The following WASF1 variants were observed in gnomAD, a reference collection of about 807,000 sequenced individuals.
The protein encoded by WASF1 is actin-binding protein WASF1.
A neutral mutation model predicts 50.5 loss-of-function variants in WASF1; 7 were observed. The ratio of observed to expected loss-of-function variants is 0.14; its 90% CI spans 0.08 to 0.26. The LOEUF is 0.26. Among genes scored for constraint, WASF1 ranks in the 10% least tolerant of loss-of-function variants. The pLI is 1.00. For missense variants in WASF1, 470 were observed against 694.7 expected, an observed-to-expected ratio of 0.68 and a Z score of 3.64; for synonymous variants, 205 against 244.0, an observed-to-expected ratio of 0.84 and a Z score of 1.49.
rs1332565758 is a variant in WASF1 at position 110,099,856 on chromosome 6, A to G, written c.*666T>C. The G allele has an allele frequency of 6.6e-6, 1 of 152,630 alleles. No homozygotes were observed. Among genetic ancestry groups the G allele is most frequent in the Non-Finnish European group, 1.5e-5 (1 of 68,032 alleles). The allele number at this position is 152,630 out of a possible 1,614,324, so 9.5% of individuals were successfully genotyped here. ...GAACCATTTATTAAATCAGACTGTT[A>G]TTCTTAACAGTTATGTAAGTTACAT... On this transcript the variant is annotated 3_prime_UTR_variant, in exon 11 of 11. Coordinates refer to ENST00000392589, the MANE Select transcript of WASF1 (RefSeq NM_003931.3).
chr6:110,151,548 T>C (rs1775825485), intron 3 of WASF1, among the ~76,000 whole-genome samples: 3 of 152,174 alleles, frequency 2.0e-5, no homozygotes, highest in African/African-American at 4.8e-5. Flanking sequence ...GTCTAAACAA[T>C]AGGATCAACA....
chr6:110,133,672 C>T (rs998609986), intron 3 of WASF1, among the ~76,000 whole-genome samples: 2 of 151,988 alleles, frequency 1.3e-5, no homozygotes, highest in Non-Finnish European at 2.9e-5. Context: ...TTTGGCCACT[C>T]GTATATCTTC....
intron 2 of WASF1, among the ~76,000 whole-genome samples, chr6:110,168,452 C>A (rs554058185): frequency 6.6e-6 from 1 of 152,156 alleles, no homozygotes; most frequent in East Asian, 1.9e-4. Flanking sequence ...ATGAGGCATG[C>A]AGTTGTGCAC....
At chr6:110,146,622 T>C (rs558887337) in intron 3 of WASF1, among the ~76,000 whole-genome samples, 1 of 152,184 alleles carries the variant, frequency 6.6e-6, no homozygotes, top group East Asian at 1.9e-4. Context: ...ATATAAAATA[T>C]ATTTGCAAGG....
intron 4 of WASF1, among the ~76,000 whole-genome samples, chr6:110,120,459 C>T (rs1034471651): frequency 6.6e-6 from 1 of 152,158 alleles, no homozygotes; most frequent in African/African-American, 2.4e-5. Context: ...GAATAAAATA[C>T]CTAGGAATCC....
intron 3 of WASF1, among the ~76,000 whole-genome samples, chr6:110,145,577 TATG>T (rs1235638587): frequency 6.6e-6 from 1 of 152,204 alleles, no homozygotes; most frequent in Non-Finnish European, 1.5e-5. Flanking sequence ...GTCCATTCAG[TATG>T]ATATTGGCTG....
At chr6:110,114,281 A>G (rs1773696490) in intron 4 of WASF1, among the ~76,000 whole-genome samples, 1 of 152,220 alleles carries the variant, frequency 6.6e-6, no homozygotes, top group African/African-American at 2.4e-5. Flanking sequence ...GTGATGCTGG[A>G]AGTACTCTCA....
At chr6:110,124,293 T>C (rs1439348741) in intron 4 of WASF1, among the ~76,000 whole-genome samples, 2 of 117,940 alleles carry the variant, frequency 1.7e-5, no homozygotes, top group Non-Finnish European at 3.3e-5. Context: ...TATATATATA[T>C]ATATATATAT....
At chr6:110,130,445 T>A (rs1774612409) in intron 3 of WASF1, among the ~76,000 whole-genome samples, 1 of 152,188 alleles carries the variant, frequency 6.6e-6, no homozygotes, top group Admixed American at 6.5e-5. Flanking sequence ...AACACTATAG[T>A]TTTGATAGCT....
intron 4 of WASF1, among the ~76,000 whole-genome samples, chr6:110,114,890 G>C (rs1773727108): frequency 6.6e-6 from 1 of 151,464 alleles, no homozygotes; most frequent in Non-Finnish European, 1.5e-5. Flanking sequence ...TCAGGAGTTT[G>C]AGACCAGCCT....
At chr6:110,163,845 G>T (rs1327656984) in intron 2 of WASF1, among the ~76,000 whole-genome samples, 1 of 151,596 alleles carries the variant, frequency 6.6e-6, no homozygotes, top group Non-Finnish European at 1.5e-5. Context: ...TCAAGACAGT[G>T]TAGTTTTGGA....
intron 2 of WASF1, among the ~76,000 whole-genome samples, chr6:110,170,386 C>T (rs1776656114): frequency 6.6e-6 from 1 of 152,016 alleles, no homozygotes; most frequent in Non-Finnish European, 1.5e-5. Context: ...CCACACCTGG[C>T]TAATTTCTGT....
chr6:110,106,576 T>C (rs138061544), intron 7 of WASF1, among the ~76,000 whole-genome samples: 34 of 152,292 alleles, frequency 2.2e-4, no homozygotes, highest in Admixed American at 7.2e-4. Flanking sequence ...AAGTGGAAAA[T>C]GACAATAACA....
At chr6:110,101,196 G>A (rs747928765) in intron 10 of WASF1, among the ~76,000 whole-genome samples, 2 of 152,124 alleles carry the variant, frequency 1.3e-5, no homozygotes, top group Non-Finnish European at 2.9e-5. Flanking sequence ...AAGGCATCTG[G>A]TAGAGCAAGT....
chr6:110,112,880 CAG>C (rs1035749494), intron 5 of WASF1, among the ~76,000 whole-genome samples: 6 of 135,476 alleles, frequency 4.4e-5, no homozygotes, highest in Middle Eastern at 4.5e-3. Flanking sequence ...AGCCTAGTGA[CAG>C]AGTGTCTGTC....
rs768357367 is a variant in WASF1 at position 110,102,126 on chromosome 6, T to C, written c.984A>G (p.Pro328=). The C allele has an allele frequency of 6.1e-6, 9 of 1,485,536 alleles. No homozygotes were observed. Among genetic ancestry groups the C allele is most frequent in the Non-Finnish European group, 7.2e-6 (8 of 1,118,146 alleles). 92.0% of individuals were successfully genotyped at this position (1,485,536 alleles called of 1,614,324 possible). The part of the protein sequence containing the change: ...VFVSPTPPPP[P]PPLPSALSTS... ...TTGACAAGGCAGATGGAAGAGGTGG[T>C]GGAGGAGGTGGGGGAGTGGGGCTCA... The change falls in exon 10 of 11, where the codon CCA becomes CCG. Residue 328 remains proline, a synonymous_variant. Transcript: ENST00000392589.
intron 3 of WASF1, among the ~76,000 whole-genome samples, chr6:110,132,623 G>A (rs1355829318): frequency 1.3e-5 from 2 of 151,788 alleles, no homozygotes; most frequent in African/African-American, 4.8e-5. Context: ...CTGAGATTTT[G>A]GTGTACCCAT....
Position 110,153,415 on chromosome 6 carries a change from G to T in WASF1, c.-29+7220C>A, listed in dbSNP as rs556565554. Among the ~76,000 whole-genome samples the T allele has an allele frequency of 2.6e-5, 4 of 152,166 alleles. No homozygotes were observed. In the South Asian group the frequency reaches 6.2e-4, roughly 24 times the overall value. ...CAATGTAATGATAAACTGACATTTTGAGTCCAAAAAGAAAGTTTAAGACTG... is the reference window on the plus strand; with the variant it reads ...CAATGTAATGATAAACTGACATTTTTAGTCCAAAAAGAAAGTTTAAGACTG... On this transcript the variant is annotated intron_variant, in intron 3 of 10. Coordinates refer to ENST00000392589, the MANE Select transcript of WASF1 (RefSeq NM_003931.3).
At chr6:110,159,309 A>G (rs1776164521) in intron 3 of WASF1, among the ~76,000 whole-genome samples, 1 of 151,908 alleles carries the variant, frequency 6.6e-6, no homozygotes, top group Non-Finnish European at 1.5e-5. Context: ...AAAAACGAAA[A>G]CAAAAAACAG....
Sources: allele counts gnomAD v4.1 joint callset (sites outside exome capture counted in the v4.1 genomes callset), GRCh38; gene constraint gnomAD v4.1.1; transcripts MANE v1.5; gene names NCBI Gene and HGNC (gene_info 2026-07-23, HGNC 2026-07-21).